Variants in USP15 observed in about 807,000 individuals in gnomAD.
USP15 encodes the protein ubiquitin specific peptidase 15.
In USP15, 18 loss-of-function variants were observed where a neutral mutation model predicts 127.1. The observed-to-expected ratio is 0.14, with a 90% CI of 0.10 to 0.21. The LOEUF (loss-of-function observed/expected upper bound fraction) is 0.21, where lower values mean the gene tolerates loss of function less well. Among genes scored for constraint, USP15 ranks in the 10% least tolerant of loss-of-function variants. The pLI is 1.00. For synonymous variants in USP15, 364 were observed against 393.7 expected (o/e 0.92, Z 0.89); for missense variants, 805 against 1,159.9 (o/e 0.69, Z 4.44).
At chr12:62,363,618 T>C (rs1358291370) in intron 8 of USP15, among the ~76,000 whole-genome samples, 1 of 152,052 alleles carries the variant, frequency 6.6e-6, no homozygotes, top group Non-Finnish European at 1.5e-5. Context: ...ATGTTTTATT[T>C]CTATTAGGGT....
intron 8 of USP15, among the ~76,000 whole-genome samples, chr12:62,365,387 T>G (rs1242472797): frequency 1.3e-5 from 2 of 152,180 alleles, no homozygotes; most frequent in African/African-American, 4.8e-5. Flanking sequence ...TTGCCCACTT[T>G]TTGATGGGGT....
chr12:62,364,400 A>C (rs2066415010), intron 8 of USP15, among the ~76,000 whole-genome samples: 1 of 152,136 alleles, frequency 6.6e-6, no homozygotes, highest in South Asian at 2.1e-4. Flanking sequence ...ATTTTTTTCC[A>C]ACAATGTTCA....
Position 62,388,865 on chromosome 12 carries a change from C to T in USP15, c.1474-566C>T, listed in dbSNP as rs565551366. On this transcript the variant is annotated intron_variant, in intron 11 of 21. Transcript: ENST00000280377. Reference sequence around the variant, plus strand: ...AAAAGTGGGGCCGGGTGCAGTGGCTCAGTCCTGTAATCCCAGCATTTTGGG... The same window carrying T: ...AAAAGTGGGGCCGGGTGCAGTGGCTTAGTCCTGTAATCCCAGCATTTTGGG... 1.2e-4 allele frequency among the ~76,000 whole-genome samples: 18 copies of T among 152,290 alleles called. No individual in the cohort carries two copies. The South Asian group carries it at 3.7e-3, about 32-fold the overall frequency.
intron 6 of USP15, among the ~76,000 whole-genome samples, chr12:62,338,764 A>C (rs997972971): frequency 1.3e-5 from 2 of 152,262 alleles, no homozygotes; most frequent in Non-Finnish European, 1.5e-5. Context: ...AGGTTTGTGT[A>C]AGATCACATG....
chr12:62,404,144 A>G (rs1194427415), intron 21 of USP15, 49 bp from the exon 22 acceptor site: 7 of 1,505,638 alleles, frequency 4.6e-6, no homozygotes, highest in Non-Finnish European at 6.2e-6. Flanking sequence ...AATGTATTTA[A>G]CGTGATCTTT....
chr12:62,356,362 C>CCT (rs2137452878), intron 8 of USP15, among the ~76,000 whole-genome samples: 1 of 152,042 alleles, frequency 6.6e-6, no homozygotes, highest in East Asian at 1.9e-4. Flanking sequence ...CATTATTAGA[C>CCT]ATCTTTCTCA....
At chr12:62,334,819 G>A (rs1366036743) in intron 6 of USP15, among the ~76,000 whole-genome samples, 1 of 152,166 alleles carries the variant, frequency 6.6e-6, no homozygotes, top group East Asian at 1.9e-4. Context: ...TAATATGGTG[G>A]TAGATTTCCA....
chr12:62,363,478 C>G (rs545686171), intron 8 of USP15, among the ~76,000 whole-genome samples: 11 of 152,196 alleles, frequency 7.2e-5, no homozygotes, highest in Non-Finnish European at 1.6e-4. Flanking sequence ...TGTTCTTCCT[C>G]TAAATATATA....
chr12:62,274,476 C>T (rs2063427827), intron 1 of USP15, among the ~76,000 whole-genome samples: 2 of 150,876 alleles, frequency 1.3e-5, no homozygotes, highest in African/African-American at 2.4e-5. Flanking sequence ...TAGACCTGTC[C>T]CTACAAAAAA....
intron 6 of USP15, chr12:62,335,356 A>C (rs1413583407): frequency 2.1e-6 from 3 of 1,432,940 alleles, no homozygotes; most frequent in Middle Eastern, 3.6e-4. Context: ...CAGAAGAGAT[A>C]AATGATGCGT....
intron 2 of USP15, among the ~76,000 whole-genome samples, chr12:62,302,269 T>C (rs1300473488): frequency 1.3e-5 from 2 of 152,204 alleles, no homozygotes; most frequent in African/African-American, 4.8e-5. Context: ...AGAATGAATA[T>C]TGTTACCATA....
chr12:62,346,395 G>A (rs1483070219), intron 6 of USP15, among the ~76,000 whole-genome samples: 9 of 152,092 alleles, frequency 5.9e-5, no homozygotes, highest in African/African-American at 2.2e-4. Context: ...CACTATCAGT[G>A]CCAATATCCA....
In USP15 at chr12:62,407,488, A is replaced by G. The variant is rs1227468989; in HGVS notation, c.*3113A>G. On this transcript the variant is annotated 3_prime_UTR_variant, in exon 22 of 22. Coordinates refer to ENST00000280377, the MANE Select transcript of USP15 (RefSeq NM_001252078.2). ...CTTGAAGTCTAATAACTTTGCTTCT[A>G]AAAGTATATTTAGCTCAGTATTCGA... The G allele has an allele frequency of 1.3e-5, 2 of 152,222 alleles. No individual in the cohort carries two copies. Among genetic ancestry groups the G allele is most frequent in the African/African-American group, 4.8e-5 (2 of 41,468 alleles). The allele number at this position is 152,222 out of a possible 1,614,324, so 9.4% of individuals were successfully genotyped here.
At chr12:62,381,769 C>G in intron 9 of USP15, 106 bp downstream of exon 9, 2 of 1,116,324 alleles carry the variant, frequency 1.8e-6, no homozygotes, top group Non-Finnish European at 2.5e-6. Context: ...TGGTTTGTGG[C>G]CCTCCAAAGG....
At chr12:62,267,446 T>G (rs934285454) in intron 1 of USP15, among the ~76,000 whole-genome samples, 1 of 152,162 alleles carries the variant, frequency 6.6e-6, no homozygotes, top group African/African-American at 2.4e-5. Context: ...AAAACCCCTG[T>G]AGGATTAACC....
intron 11 of USP15, 120 bp from the exon 12 acceptor site, chr12:62,389,311 T>A (rs2067250564): frequency 1.3e-6 from 1 of 788,794 alleles, no homozygotes; most frequent in Non-Finnish European, 2.0e-6. Context: ...GTGGCAAGAT[T>A]GGAGACAAAC....
chr12:62,282,509 A>T (rs1172851952), intron 1 of USP15, among the ~76,000 whole-genome samples: 2 of 152,198 alleles, frequency 1.3e-5, no homozygotes, highest in Admixed American at 6.5e-5. Flanking sequence ...AGATGATAAA[A>T]TGCATAGGTG....
chr12:62,279,992 G>A (rs1266559739), intron 1 of USP15, among the ~76,000 whole-genome samples: 1 of 151,916 alleles, frequency 6.6e-6, no homozygotes, highest in Non-Finnish European at 1.5e-5. Context: ...TTGACACTTT[G>A]TAACCTTGGG....
At chr12:62,276,283 G>A (rs1463736936) in intron 1 of USP15, among the ~76,000 whole-genome samples, 1 of 151,998 alleles carries the variant, frequency 6.6e-6, no homozygotes, top group Non-Finnish European at 1.5e-5. Flanking sequence ...CATTTATAAA[G>A]CATTGACTCC....
Sources: allele counts gnomAD v4.1 joint callset (sites outside exome capture counted in the v4.1 genomes callset), GRCh38; gene constraint gnomAD v4.1.1; transcripts MANE v1.5; gene names NCBI Gene and HGNC (gene_info 2026-07-23, HGNC 2026-07-21).